Variants in SV2C observed in about 807,000 individuals in gnomAD.
The protein encoded by SV2C is solute carrier family 22 member B3.
In SV2C, 49 loss-of-function variants were observed where a neutral mutation model predicts 79.7. The observed-to-expected ratio is 0.61, with a 90% CI of 0.49 to 0.78. The LOEUF (loss-of-function observed/expected upper bound fraction) is 0.78. SV2C is among the 30% of genes least tolerant of loss of function. The pLI, the probability that SV2C is intolerant of heterozygous loss-of-function variation, is 0.00. For synonymous variants in SV2C, 334 were observed against 333.2 expected (o/e 1.00, Z -0.03); for missense variants, 833 against 912.9 (o/e 0.91, Z 1.13).
At chr5:76,141,805 CAG>C (rs1561234091) in intron 2 of SV2C, among the ~76,000 whole-genome samples, 1 of 78,136 alleles carries the variant, frequency 1.3e-5, no homozygotes, top group African/African-American at 5.0e-5. Context: ...GCCTGGGTGA[CAG>C]AGCAAAAGTC....
chr5:76,242,335 G>A lies in SV2C; in HGVS notation c.913+32448G>A, dbSNP rs1486317867. The A allele has an allele frequency of 5.6e-6, 8 of 1,427,054 alleles. No individual in the cohort carries two copies. In the African/African-American group the frequency reaches 7.1e-5, roughly 13 times the overall value. The allele number at this position is 1,427,054 out of a possible 1,614,324, so 88.4% of individuals were successfully genotyped here. On this transcript the variant is annotated intron_variant, in intron 4 of 12. Transcript: ENST00000502798. ...CGGCAGCGGGACATAGGTGCTGGAC[G>A]CGGGACGCAGCGGCGCGCGGGCTTT...
chr5:75,898,134 C>A, the SV2C span, among the ~76,000 whole-genome samples: 1 of 152,190 alleles, frequency 6.6e-6, no homozygotes, highest in Non-Finnish European at 1.5e-5. Context: ...AGAGGGCATC[C>A]CTGTCTTGTG....
the SV2C span, among the ~76,000 whole-genome samples, chr5:75,928,416 G>A: frequency 1.3e-5 from 2 of 152,192 alleles, no homozygotes; most frequent in Non-Finnish European, 2.9e-5. Flanking sequence ...TTATGCTGCT[G>A]CATGTATTTA....
At chr5:75,997,324 G>A in the SV2C span, among the ~76,000 whole-genome samples, 3 of 152,152 alleles carry the variant, frequency 2.0e-5, no homozygotes, top group East Asian at 1.9e-4. Flanking sequence ...GACAACAAAA[G>A]CCAAAATTGA....
intron 4 of SV2C, among the ~76,000 whole-genome samples, chr5:76,271,616 C>CTTTTTTTTTTTTTTTTTTTTTTTTTTTT (rs34458409): frequency 2.1e-5 from 2 of 96,064 alleles, no homozygotes; most frequent in Non-Finnish European, 4.0e-5. Flanking sequence ...AGCATGTGTT[C>CTTTTTTTTTTTTTTTTTTTTTTTTTTTT]TTTTTTTTTT....
the SV2C span, among the ~76,000 whole-genome samples, chr5:75,989,041 T>C: frequency 7.9e-5 from 12 of 152,016 alleles, no homozygotes; most frequent in Admixed American, 7.2e-4. Context: ...TTCTTAAATA[T>C]ACTACATAAG....
chr5:76,312,055 C>G (rs1748460734), intron 12 of SV2C, among the ~76,000 whole-genome samples: 1 of 152,168 alleles, frequency 6.6e-6, no homozygotes, highest in Non-Finnish European at 1.5e-5. Flanking sequence ...CTTTTCTCTC[C>G]CTGCTTTGTG....
intron 12 of SV2C, among the ~76,000 whole-genome samples, chr5:76,346,092 A>C (rs1749531417): frequency 6.6e-6 from 1 of 152,144 alleles, no homozygotes; most frequent in Non-Finnish European, 1.5e-5. Flanking sequence ...AATTACTTCC[A>C]CCATGGTTAA....
chr5:76,121,270 C>A lies in SV2C; in HGVS notation c.-101-10380C>A, dbSNP rs549344826. Among the ~76,000 whole-genome samples, 435 of 152,094 alleles carry A rather than the reference C, an allele frequency of 2.9e-3. 4 individuals carry two copies. The highest frequency in any genetic ancestry group is 6.8e-3 in the Middle Eastern group (2 of 294). Reference sequence around the variant, plus strand: ...TTCATTGTAGATTCTGGATATTAGCCCTTTGTCAGATGAGTAGGTTGCAAA... The same window carrying A: ...TTCATTGTAGATTCTGGATATTAGCACTTTGTCAGATGAGTAGGTTGCAAA... On this transcript the variant is annotated intron_variant, in intron 1 of 12. Coordinates refer to ENST00000502798, the MANE Select transcript of SV2C (RefSeq NM_014979.4).
the SV2C span, among the ~76,000 whole-genome samples, chr5:75,938,795 C>A: frequency 2.6e-5 from 4 of 152,152 alleles, no homozygotes; most frequent in African/African-American, 7.2e-5. Flanking sequence ...TTCAATATAT[C>A]TTTTACCAAA....
the SV2C span, among the ~76,000 whole-genome samples, chr5:75,878,648 T>A: frequency 6.6e-6 from 1 of 152,166 alleles, no homozygotes; most frequent in Non-Finnish European, 1.5e-5. Flanking sequence ...TGGAAATTCA[T>A]GTCTATAGTG....
chr5:75,884,989 A>G, the SV2C span, among the ~76,000 whole-genome samples: 103 of 152,274 alleles, frequency 6.8e-4, no homozygotes, highest in Admixed American at 6.5e-4. Flanking sequence ...AAAAGAAACA[A>G]CAATAGAATA....
At chr5:76,050,375 G>A in the SV2C span, among the ~76,000 whole-genome samples, 5 of 152,154 alleles carry the variant, frequency 3.3e-5, no homozygotes, top group Admixed American at 6.5e-5. Context: ...ATGCATGAAA[G>A]AGAATGTGCA....
chr5:76,041,730 C>CT, the SV2C span, among the ~76,000 whole-genome samples: 2 of 152,168 alleles, frequency 1.3e-5, no homozygotes, highest in Non-Finnish European at 2.9e-5. Flanking sequence ...TAAGCACAAT[C>CT]TAAGTGCAAG....
chr5:76,262,607 T>C (rs569733941), intron 4 of SV2C, among the ~76,000 whole-genome samples: 1 of 152,248 alleles, frequency 6.6e-6, no homozygotes, highest in Non-Finnish European at 1.5e-5. Flanking sequence ...TTTAGCTGTG[T>C]TCCAGAGATT....
chr5:75,917,424 G>T, the SV2C span, among the ~76,000 whole-genome samples: 1 of 152,140 alleles, frequency 6.6e-6, no homozygotes, highest in South Asian at 2.1e-4. Context: ...AAAAAGAAGA[G>T]AAATAACAGT....
At chr5:76,337,413 A>G (rs150029211), downstream of SV2C, among the ~76,000 whole-genome samples, 4 of 152,250 alleles carry the variant, frequency 2.6e-5, no homozygotes, top group South Asian at 2.1e-4. Flanking sequence ...CCTATCTCCA[A>G]ACTCAATCAC....
At chr5:76,323,679 A>G (rs911693264) in intron 12 of SV2C, among the ~76,000 whole-genome samples, 2 of 152,272 alleles carry the variant, frequency 1.3e-5, no homozygotes, top group Admixed American at 6.5e-5. Context: ...AATGTGGTAC[A>G]TGTACACCAT....
At chr5:76,118,201 C>G (rs1196949255) in intron 1 of SV2C, among the ~76,000 whole-genome samples, 1 of 152,184 alleles carries the variant, frequency 6.6e-6, no homozygotes, top group East Asian at 1.9e-4. Context: ...ACTCCAGGTG[C>G]TCCTCAGCCT....
Sources: gnomAD v4.1 joint callset for allele counts (sites outside exome capture counted in the v4.1 genomes callset) on GRCh38, gnomAD v4.1.1 for gene constraint, MANE v1.5 for transcripts, NCBI Gene and HGNC (gene_info 2026-07-23, HGNC 2026-07-21) for gene names.